The following TSHZ1 variants were observed in gnomAD, a reference collection of about 807,000 sequenced individuals.
TSHZ1 encodes the protein teashirt zinc finger homeobox 1.
A neutral mutation model predicts 67.1 loss-of-function variants in TSHZ1; 12 were observed. The observed-to-expected ratio is 0.18, with a 90% confidence interval of 0.11 to 0.29. TSHZ1 has a LOEUF of 0.29. TSHZ1 is among the 10% of genes least tolerant of loss of function. The probability of loss-of-function intolerance (pLI) is 1.00; values close to 1 mark genes in which losing one functional copy is unlikely to be tolerated. For missense variants in TSHZ1, 1,305 were observed against 1,413.9 expected (o/e 0.92, Z 1.23); for synonymous variants, 632 against 622.4 (o/e 1.02, Z -0.23).
chr18:75,273,604 C>T (rs2023582230), intron 1 of TSHZ1, among the ~76,000 whole-genome samples: 1 of 152,160 alleles, frequency 6.6e-6, no homozygotes, highest in African/African-American at 2.4e-5. Flanking sequence ...AAATGTTTTT[C>T]AGACGGTGTA....
chr18:75,233,282 T>C (rs1195243120), intron 1 of TSHZ1, among the ~76,000 whole-genome samples: 3 of 152,374 alleles, frequency 2.0e-5, no homozygotes, highest in South Asian at 2.1e-4. Flanking sequence ...ATGAGTCTTA[T>C]AAAGTACAAA....
At chr18:75,244,755 T>A (rs1051733143) in intron 1 of TSHZ1, 3 of 152,312 alleles carry the variant, frequency 2.0e-5, no homozygotes. Flanking sequence ...CCGTGTTTCC[T>A]GGGGGATGAG....
chr18:75,240,048 G>A (rs1263833875), intron 1 of TSHZ1, among the ~76,000 whole-genome samples: 1 of 152,148 alleles, frequency 6.6e-6, no homozygotes, highest in Non-Finnish European at 1.5e-5. Flanking sequence ...AGTGTTTGAT[G>A]TCCCCTCCTT....
Position 75,281,918 on chromosome 18 carries a change from G to A in TSHZ1, c.41-3530G>A, listed in dbSNP as rs981016991. On this transcript the variant is annotated intron_variant, in intron 1 of 1. Coordinates refer to ENST00000580243, the MANE Select transcript of TSHZ1 (RefSeq NM_001308210.2). The surrounding 1 kb of genome is among the most constrained non-coding windows in gnomAD (Gnocchi z 5.3). ...TTCCAAAAGTGTCCCTCACCTACCC[G>A]GTCAGAGGCTGCCTGATCACCCTGC... Among the ~76,000 whole-genome samples the A allele has an allele frequency of 3.3e-5, 5 of 152,094 alleles. No individual in the cohort carries two copies. Among genetic ancestry groups the A allele is most frequent in the Non-Finnish European group, 4.4e-5 (3 of 68,000 alleles).
At chr18:75,216,019 G>A (rs2022762453) in intron 1 of TSHZ1, among the ~76,000 whole-genome samples, 1 of 152,014 alleles carries the variant, frequency 6.6e-6, no homozygotes, top group Non-Finnish European at 1.5e-5. Context: ...GAGGGGGGCT[G>A]GTCAGTTTTA....
chr18:75,260,335 C>T (rs547080095), intron 1 of TSHZ1, among the ~76,000 whole-genome samples: 14 of 152,320 alleles, frequency 9.2e-5, no homozygotes, highest in Admixed American at 2.6e-4. Context: ...ATATTGCTTA[C>T]GGCATTTTGT....
At chr18:75,249,413 C>T (rs1006257879) in intron 1 of TSHZ1, among the ~76,000 whole-genome samples, 6 of 102,920 alleles carry the variant, frequency 5.8e-5, no homozygotes, top group South Asian at 3.7e-4. Flanking sequence ...AGGGTGCAGG[C>T]GGGTGGGTGG....
rs923828498 is a variant in TSHZ1, at chr18:75,215,488, G to A, written c.40+3572G>A. Among the ~76,000 whole-genome samples, 4 of 152,082 alleles carry A rather than the reference G, an allele frequency of 2.6e-5. No homozygotes were observed. The East Asian group carries it at 5.8e-4, about 22-fold the overall frequency. ...ACTGATATTGAGAAAAAGCTTAAACGGTGGATATCTCAAATTTTGTCAAGC... is the reference window on the plus strand; with the variant it reads ...ACTGATATTGAGAAAAAGCTTAAACAGTGGATATCTCAAATTTTGTCAAGC... On this transcript the variant is annotated intron_variant, in intron 1 of 1. Coordinates refer to ENST00000580243, the MANE Select transcript of TSHZ1 (RefSeq NM_001308210.2).
At chr18:75,228,401 A>C (rs1003240597) in intron 1 of TSHZ1, among the ~76,000 whole-genome samples, 10 of 152,218 alleles carry the variant, frequency 6.6e-5, no homozygotes. Flanking sequence ...TGATAGGGTT[A>C]GAAATGGAGA....
intron 1 of TSHZ1, among the ~76,000 whole-genome samples, chr18:75,250,457 GC>G (rs1221620910): frequency 6.6e-6 from 1 of 152,224 alleles, no homozygotes; most frequent in African/African-American, 2.4e-5. Context: ...GCAGCAAGGG[GC>G]CAGGGTGGGC....
chr18:75,232,806 T>A (rs544766136), intron 1 of TSHZ1, among the ~76,000 whole-genome samples: 3 of 152,376 alleles, frequency 2.0e-5, no homozygotes, highest in African/African-American at 4.8e-5. Flanking sequence ...CTGTATATTT[T>A]GCAACATCCT....
intron 1 of TSHZ1, among the ~76,000 whole-genome samples, chr18:75,270,138 T>C (rs1323323042): frequency 6.6e-6 from 1 of 152,206 alleles, no homozygotes; most frequent in Non-Finnish European, 1.5e-5. Context: ...TATGATTGTG[T>C]GTCAGGTTGT....
intron 1 of TSHZ1, among the ~76,000 whole-genome samples, chr18:75,278,337 C>T (rs1220315307): frequency 6.6e-6 from 1 of 152,202 alleles, no homozygotes; most frequent in African/African-American, 2.4e-5. Flanking sequence ...TCCAAGCACT[C>T]CTTCCTTGCC....
intron 1 of TSHZ1, chr18:75,245,448 T>G (rs2023210021): frequency 6.6e-6 from 1 of 152,218 alleles, no homozygotes; most frequent in Non-Finnish European, 1.5e-5. Flanking sequence ...TTTAAATATC[T>G]TTTTAGTTTG....
At chr18:75,267,165 G>A (rs1013994147) in intron 1 of TSHZ1, among the ~76,000 whole-genome samples, 2 of 152,262 alleles carry the variant, frequency 1.3e-5, no homozygotes, top group East Asian at 3.9e-4. Flanking sequence ...ATACTAAAAT[G>A]TGTCCTCTGG....
In TSHZ1 at chr18:75,241,344, C is replaced by T. The variant is rs28546754; in HGVS notation, c.40+29428C>T. On this transcript the variant is annotated intron_variant, in intron 1 of 1. Coordinates refer to ENST00000580243, the MANE Select transcript of TSHZ1 (RefSeq NM_001308210.2). Reference sequence around the variant, plus strand: ...AAGCGATTGGTAGCCTTGTTGTGAGCTTGCAGTTCAGATGGCACCATAGGA... The same window carrying T: ...AAGCGATTGGTAGCCTTGTTGTGAGTTTGCAGTTCAGATGGCACCATAGGA... Among the ~76,000 whole-genome samples, 958 of 152,252 alleles carry T rather than the reference C, an allele frequency of 6.3e-3. 11 individuals are homozygous for T. The highest frequency in any genetic ancestry group is 0.022 in the African/African-American group (915 of 41,538).
chr18:75,252,482 A>G (rs1226283986), intron 1 of TSHZ1, among the ~76,000 whole-genome samples: 2 of 152,122 alleles, frequency 1.3e-5, no homozygotes, highest in Non-Finnish European at 2.9e-5. Flanking sequence ...CCTTTCTTGC[A>G]TAGTTTCTGC....
chr18:75,223,241 G>A (rs1371465793), intron 1 of TSHZ1, among the ~76,000 whole-genome samples: 4 of 152,148 alleles, frequency 2.6e-5, no homozygotes, highest in Admixed American at 6.5e-5. Flanking sequence ...TGTTTCTATA[G>A]CAATTGCTTC....
intron 1 of TSHZ1, among the ~76,000 whole-genome samples, chr18:75,248,177 C>T (rs955602483): frequency 6.6e-6 from 1 of 152,210 alleles, no homozygotes; most frequent in African/African-American, 2.4e-5. Context: ...ACAAGACTTT[C>T]ATCATGTTTA....
Sources: gnomAD v4.1 joint callset for allele counts (sites outside exome capture counted in the v4.1 genomes callset) on GRCh38, gnomAD v4.1.1 for gene constraint, Gnocchi (gnomAD v3.1) non-coding constraint, MANE v1.5 for transcripts, NCBI Gene and HGNC (gene_info 2026-07-23, HGNC 2026-07-21) for gene names.